The following NUP188 variants were observed in gnomAD, a reference collection of about 807,000 sequenced individuals.
NUP188 encodes the protein nucleoporin 188, also known as nucleoporin NUP188.
Under a neutral mutation model 223.0 loss-of-function variants are expected in NUP188, and 97 were observed. The observed-to-expected ratio is 0.43, with a 90% confidence interval of 0.37 to 0.51. NUP188 has a LOEUF of 0.51. Ranked by LOEUF, NUP188 falls within the 20% of genes least tolerant of loss-of-function variation. NUP188 has a pLI of 0.00. For missense variants in NUP188, 1,947 were observed against 2,175.6 expected (o/e 0.89, Z 2.09); for synonymous variants, 869 against 828.0 (o/e 1.05, Z -0.85).
intron 29 of NUP188, 59 bp downstream of exon 29, chr9:128,994,982 C>T: frequency 7.8e-7 from 1 of 1,279,634 alleles, no homozygotes; most frequent in South Asian, 1.2e-5. Context: ...GAGTTGGTGG[C>T]CTACCACTGG....
At chr9:128,948,393 A>C (rs2131131552) in intron 1 of NUP188, 1 of 152,278 alleles carries the variant, frequency 6.6e-6, no homozygotes, top group Middle Eastern at 3.4e-3. Context: ...TATATACGAA[A>C]ACTACAATTC....
At chr9:128,971,393 G>A (rs1415478744) in intron 11 of NUP188, among the ~76,000 whole-genome samples, 2 of 152,104 alleles carry the variant, frequency 1.3e-5, no homozygotes, top group Admixed American at 6.5e-5. Flanking sequence ...GGTTTGAGTG[G>A]CATGGTTTAG....
chr9:128,993,048 G>A, intron 25 of NUP188, 149 bp from the exon 26 acceptor site: 2 of 645,484 alleles, frequency 3.1e-6, no homozygotes, highest in South Asian at 1.8e-5. Context: ...ATGCTTGTTT[G>A]TGGTGATGTC....
chr9:128,955,785 T>C (rs1354613409), intron 3 of NUP188, among the ~76,000 whole-genome samples: 1 of 152,152 alleles, frequency 6.6e-6, no homozygotes, highest in African/African-American at 2.4e-5. Flanking sequence ...CTCCAAGGAA[T>C]CCTGTTATTA....
At chr9:128,987,550 A>G (rs754937081) in intron 22 of NUP188, 39 bp from the exon 23 acceptor site, 80 of 1,592,544 alleles carry the variant, frequency 5.0e-5, no homozygotes, top group Non-Finnish European at 6.8e-5. Flanking sequence ...AGATACACTG[A>G]GTGGCTCCCT....
At chr9:128,983,085 C>A in intron 17 of NUP188, 57 bp downstream of exon 17, 1 of 1,602,574 alleles carries the variant, frequency 6.2e-7, no homozygotes. Context: ...CACTTGTGCC[C>A]TCAGTTTGCA....
At position 128,968,840 on chromosome 9, in the gene NUP188, G is replaced by A. The variant is rs1281986013; in HGVS notation, c.797+123G>A. 9 of 698,334 alleles carry A rather than the reference G, an allele frequency of 1.3e-5. No homozygotes were observed. In the African/African-American group the frequency reaches 1.4e-4, roughly 11 times the overall value. The allele number at this position is 698,334 out of a possible 1,614,324, so 43.3% of individuals were successfully genotyped here. Reference sequence around the variant, plus strand: ...TAATCGGTGGGGAAATAGGTCTACTGCCACGTTCCCTTTCATGCAGGGAGT... The same window carrying A: ...TAATCGGTGGGGAAATAGGTCTACTACCACGTTCCCTTTCATGCAGGGAGT... On this transcript the variant is annotated intron_variant, in intron 9 of 43. Transcript: ENST00000372577.
Position 128,993,573 on chromosome 9 carries a change from A to G in NUP188, c.2896A>G (p.Ile966Val), listed in dbSNP as rs368027400. 37 of 1,613,964 alleles carry G rather than the reference A, an allele frequency of 2.3e-5. No homozygotes were observed. The highest frequency in any genetic ancestry group is 3.1e-5 in the Non-Finnish European group (36 of 1,180,014). ...CTGTCTCCATGCAGTGCTGGAGCTG[A>G]TTGATTCCCAACAGCAAGATCGATA... The part of the protein sequence containing the change: ...WSCLHAVLEL[I>V]DSQQQDRYWC... The change falls in exon 27 of 44, where the codon ATT (isoleucine) becomes GTT (valine). Residue 966 changes from isoleucine (I) to valine (V), a missense_variant. Coordinates refer to ENST00000372577, the MANE Select transcript of NUP188 (RefSeq NM_015354.3).
intron 12 of NUP188, among the ~76,000 whole-genome samples, chr9:128,977,202 C>T (rs969476587): frequency 3.3e-5 from 5 of 150,602 alleles, no homozygotes; most frequent in Admixed American, 1.3e-4. Flanking sequence ...TCACTGCAAG[C>T]TCCGCCTCCC....
chr9:128,998,352 G>C, intron 31 of NUP188, 124 bp downstream of exon 31: 1 of 1,066,692 alleles, frequency 9.4e-7, no homozygotes, highest in Non-Finnish European at 1.4e-6. Flanking sequence ...ACGTTGGCCT[G>C]GGAGGCCTGA....
intron 24 of NUP188, among the ~76,000 whole-genome samples, chr9:128,988,867 C>T (rs187367764): frequency 6.6e-6 from 1 of 151,630 alleles, no homozygotes; most frequent in Admixed American, 6.6e-5. Context: ...GCTGGGATTA[C>T]AGGCATCTGT....
intron 36 of NUP188, 135 bp from the exon 37 acceptor site, chr9:129,002,682 G>A: frequency 1.1e-6 from 1 of 885,284 alleles, no homozygotes; most frequent in Middle Eastern, 2.6e-4. Context: ...TCTGGCCCTG[G>A]TGGCCAGACA....
intron 31 of NUP188, 63 bp downstream of exon 31, chr9:128,998,291 G>C: frequency 7.1e-7 from 1 of 1,402,142 alleles, no homozygotes; most frequent in Non-Finnish European, 1.0e-6. Context: ...TCAAATAGCA[G>C]AGGTCATGAG....
At chr9:128,960,098 CTGT>C (rs1841926093) in intron 8 of NUP188, among the ~76,000 whole-genome samples, 1 of 124,052 alleles carries the variant, frequency 8.1e-6, no homozygotes, top group African/African-American at 3.0e-5. Flanking sequence ...GAGTCTCACT[CTGT>C]TGCACAGGCT....
chr9:128,989,156 C>T (rs1336070945), intron 24 of NUP188, among the ~76,000 whole-genome samples: 3 of 150,886 alleles, frequency 2.0e-5, no homozygotes, highest in Admixed American at 6.6e-5. Flanking sequence ...CACTTTGGGA[C>T]GGTGAGGCTG....
chr9:128,979,153 T>G (rs1251382694), intron 12 of NUP188, 109 bp from the exon 13 acceptor site: 1 of 730,318 alleles, frequency 1.4e-6, no homozygotes, highest in African/African-American at 1.8e-5. Flanking sequence ...GTCTTCCCAC[T>G]TTAGTGTTTA....
Position 128,995,529 on chromosome 9 carries a change from G to A in NUP188, c.3351+15G>A. 6.4e-7 allele frequency: 1 copy of A among 1,558,902 alleles called. No homozygotes were observed. On this transcript the variant is annotated intron_variant, in intron 30 of 43. Coordinates refer to ENST00000372577, the MANE Select transcript of NUP188 (RefSeq NM_015354.3). Reference sequence around the variant, plus strand: ...CCACCACTCATGTAAGACCCTTTTGGGGAGAGTTTTCACTTTGGTACCTTA... The same window carrying A: ...CCACCACTCATGTAAGACCCTTTTGAGGAGAGTTTTCACTTTGGTACCTTA...
chr9:128,998,548 C>T lies in NUP188; in HGVS notation c.3440C>T (p.Pro1147Leu). The part of the protein sequence containing the change: ...LDGTKALLLV[P>L]ASVNCLRLGS... ...GCTGTCTCCTTTCAGCTCCTAGTTC[C>T]AGCCTCAGTGAACTGCCTTCGCCTT... The change falls in exon 32 of 44, where the codon CCA becomes CTA. Residue 1147 changes from proline (P) to leucine (L), a missense_variant. Coordinates refer to ENST00000372577, the MANE Select transcript of NUP188 (RefSeq NM_015354.3). 2.5e-6 allele frequency: 4 copies of T among 1,614,090 alleles called. No homozygotes were observed. The highest frequency in any genetic ancestry group is 3.4e-6 in the Non-Finnish European group (4 of 1,179,936).
chr9:128,972,973 T>G (rs1205422211), intron 11 of NUP188, among the ~76,000 whole-genome samples, 187 bp from the exon 12 acceptor site: 1 of 152,250 alleles, frequency 6.6e-6, no homozygotes, highest in African/African-American at 2.4e-5. Context: ...GTTGTAATAT[T>G]TGTGGTTCCT....
Sources: gnomAD v4.1 joint callset for allele counts (sites outside exome capture counted in the v4.1 genomes callset) on GRCh38, gnomAD v4.1.1 for gene constraint, MANE v1.5 for transcripts, NCBI Gene and HGNC (gene_info 2026-07-23, HGNC 2026-07-21) for gene names.